Variants in FHIT observed in about 807,000 individuals in gnomAD.
The protein encoded by FHIT is bis(5'-adenosyl)-triphosphatase.
Under a neutral mutation model 17.9 loss-of-function variants are expected in FHIT, and 19 were observed. The ratio of observed to expected loss-of-function variants is 1.06; its 90% CI spans 0.74 to 1.56. The LOEUF (loss-of-function observed/expected upper bound fraction) is 1.56. Among genes scored for constraint, FHIT ranks in the 40% most tolerant of loss-of-function variants. The pLI is 0.00. For synonymous variants in FHIT, 81 were observed against 69.7 expected (o/e 1.16, Z -0.81); for missense variants, 248 against 189.2 (o/e 1.31, Z -1.82).
intron 4 of FHIT, among the ~76,000 whole-genome samples, chr3:60,540,984 C>A (rs2036168339): frequency 6.6e-6 from 1 of 152,186 alleles, no homozygotes; most frequent in African/African-American, 2.4e-5. Flanking sequence ...CCCAGACCTA[C>A]TGAACCAGAA....
chr3:60,556,971 C>T (rs999447001), intron 4 of FHIT, among the ~76,000 whole-genome samples: 10 of 152,212 alleles, frequency 6.6e-5, no homozygotes, highest in African/African-American at 2.4e-4. Context: ...AGGACATCTC[C>T]TGATGATACC....
At chr3:60,088,291 A>G (rs1043411740) in intron 5 of FHIT, among the ~76,000 whole-genome samples, 1 of 152,158 alleles carries the variant, frequency 6.6e-6, no homozygotes, top group Non-Finnish European at 1.5e-5. Context: ...AAATTTCAAC[A>G]TGTGCCTTGA....
chr3:60,503,051 TAAG>T (rs1330119467), intron 5 of FHIT, among the ~76,000 whole-genome samples: 1 of 152,208 alleles, frequency 6.6e-6, no homozygotes, highest in Non-Finnish European at 1.5e-5. Flanking sequence ...CTGTATTGGT[TAAG>T]AACATAGGTG....
intron 8 of FHIT, among the ~76,000 whole-genome samples, chr3:59,760,251 T>G (rs1701440324): frequency 6.6e-6 from 1 of 152,318 alleles, no homozygotes; most frequent in African/African-American, 2.4e-5. Context: ...TATAGAGTGT[T>G]GGATGTTTAA....
At chr3:60,322,875 G>A (rs1709497594) in intron 5 of FHIT, among the ~76,000 whole-genome samples, 1 of 152,058 alleles carries the variant, frequency 6.6e-6, no homozygotes, top group African/African-American at 2.4e-5. Flanking sequence ...TCCCAAATTT[G>A]AACCGTCTGA....
At chr3:60,761,037 C>T (rs782534266) in intron 4 of FHIT, among the ~76,000 whole-genome samples, 7 of 151,998 alleles carry the variant, frequency 4.6e-5, no homozygotes, top group Non-Finnish European at 1.0e-4. Flanking sequence ...TATAAATTAT[C>T]CCCAGTATGT....
At chr3:60,046,480 A>G (rs997635581) in intron 5 of FHIT, among the ~76,000 whole-genome samples, 5 of 152,184 alleles carry the variant, frequency 3.3e-5, no homozygotes, top group African/African-American at 1.2e-4. Context: ...TTTGCGCAGC[A>G]CCTGTCTAAA....
At chr3:61,111,554 G>T (rs1441082577) in intron 2 of FHIT, among the ~76,000 whole-genome samples, 6 of 152,062 alleles carry the variant, frequency 3.9e-5, no homozygotes, top group Non-Finnish European at 8.8e-5. Context: ...AGAATATATG[G>T]ACAAATAAAA....
intron 2 of FHIT, among the ~76,000 whole-genome samples, chr3:61,108,242 T>C (rs2106877802): frequency 6.6e-6 from 1 of 152,286 alleles, no homozygotes; most frequent in African/African-American, 2.4e-5. Flanking sequence ...ACAGCTACAG[T>C]GATTTTTGTT....
intron 3 of FHIT, among the ~76,000 whole-genome samples, chr3:61,032,001 C>T (rs2033031308): frequency 6.6e-6 from 1 of 152,188 alleles, no homozygotes. Flanking sequence ...CAACTGGCAT[C>T]ATTTTAAAGC....
chr3:59,865,107 A>G (rs755181119), intron 8 of FHIT, among the ~76,000 whole-genome samples: 5 of 152,360 alleles, frequency 3.3e-5, no homozygotes, highest in Non-Finnish European at 7.3e-5. Flanking sequence ...TCTTAATTGT[A>G]TAATTTCAAT....
At chr3:59,879,223 T>C (rs533594567) in intron 8 of FHIT, among the ~76,000 whole-genome samples, 1 of 152,338 alleles carries the variant, frequency 6.6e-6, no homozygotes, top group South Asian at 2.1e-4. Context: ...AAACTTATAC[T>C]TGTTATCATG....
chr3:60,173,908 TATATATATG>T (rs1464396812), intron 5 of FHIT, among the ~76,000 whole-genome samples: 2 of 81,174 alleles, frequency 2.5e-5, no homozygotes, highest in Non-Finnish European at 4.5e-5. Context: ...TATATATATA[TATATATATG>T]TTTTTTTTTT....
intron 5 of FHIT, among the ~76,000 whole-genome samples, chr3:60,259,597 C>T (rs757913248): frequency 6.6e-6 from 1 of 152,106 alleles, no homozygotes; most frequent in Non-Finnish European, 1.5e-5. Flanking sequence ...TTACATTCAT[C>T]ACCTTGCTAA....
intron 2 of FHIT, among the ~76,000 whole-genome samples, chr3:61,198,604 C>G (rs771155315): frequency 4.6e-5 from 7 of 152,126 alleles, no homozygotes; most frequent in Non-Finnish European, 1.0e-4. Flanking sequence ...GCAGTAGACT[C>G]TTAATTTCTC....
chr3:60,293,292 G>C (rs1032150901), intron 5 of FHIT, among the ~76,000 whole-genome samples: 1 of 152,034 alleles, frequency 6.6e-6, no homozygotes, highest in African/African-American at 2.4e-5. Flanking sequence ...CATAGTAATA[G>C]ATTACTCATG....
rs542865653 is a variant in FHIT, at chr3:60,387,629, T to C, written c.103+149231A>G. On this transcript the variant is annotated intron_variant, in intron 5 of 9. Transcript: ENST00000492590. ...TGCTCTACCCCTTCTTCTCCAACCC[T>C]ATGTCTCAGTCTGTCTGTTTCTCCA... 2.0e-5 allele frequency among the ~76,000 whole-genome samples: 3 copies of C among 152,244 alleles called. No individual in the cohort carries two copies. The East Asian group carries it at 5.8e-4, about 29-fold the overall frequency.
intron 3 of FHIT, among the ~76,000 whole-genome samples, chr3:60,905,248 T>G (rs1449257431): frequency 6.6e-6 from 1 of 152,158 alleles, no homozygotes; most frequent in Non-Finnish European, 1.5e-5. Flanking sequence ...ATTGAGATAC[T>G]ATTTCTTGCC....
At chr3:60,387,859 G>A (rs1034774837) in intron 5 of FHIT, among the ~76,000 whole-genome samples, 2 of 152,116 alleles carry the variant, frequency 1.3e-5, no homozygotes, top group African/African-American at 4.8e-5. Flanking sequence ...CTCGATGACA[G>A]GTGTTTGGGT....
Sources: gnomAD v4.1 joint callset for allele counts (sites outside exome capture counted in the v4.1 genomes callset) on GRCh38, gnomAD v4.1.1 for gene constraint, MANE v1.5 for transcripts, NCBI Gene and HGNC (gene_info 2026-07-23, HGNC 2026-07-21) for gene names.